The following PACS1 variants were observed in gnomAD, a reference collection of about 807,000 sequenced individuals.
PACS1 encodes the protein PACS-1.
Under a neutral mutation model 115.0 loss-of-function variants are expected in PACS1, and 24 were observed. The ratio of observed to expected loss-of-function variants is 0.21; its 90% CI spans 0.15 to 0.29. PACS1 has a LOEUF of 0.29. Among genes scored for constraint, PACS1 ranks in the 10% least tolerant of loss-of-function variants. The pLI is 1.00. For synonymous variants in PACS1, 453 were observed against 504.5 expected (o/e 0.90, Z 1.37); for missense variants, 838 against 1,251.2 (o/e 0.67, Z 4.98).
intron 1 of PACS1, among the ~76,000 whole-genome samples, chr11:66,102,015 A>G (rs1406468667): frequency 6.6e-6 from 1 of 152,170 alleles, no homozygotes; most frequent in African/African-American, 2.4e-5. Context: ...GGCTGAAGGA[A>G]TCTTTTGCTA....
chr11:66,239,684 A>G (rs1404984684), intron 21 of PACS1, among the ~76,000 whole-genome samples: 2 of 152,226 alleles, frequency 1.3e-5, no homozygotes, highest in African/African-American at 4.8e-5. Context: ...GGGACCTCCC[A>G]GGTGTTGTTA....
intron 1 of PACS1, among the ~76,000 whole-genome samples, chr11:66,096,761 C>T (rs929658596): frequency 2.6e-5 from 4 of 152,050 alleles, no homozygotes; most frequent in Non-Finnish European, 4.4e-5. Flanking sequence ...CCTCGGCCTC[C>T]CAAAGTGCTG....
intron 1 of PACS1, among the ~76,000 whole-genome samples, chr11:66,134,116 C>G (rs1184070692): frequency 3.9e-5 from 6 of 152,154 alleles, no homozygotes; most frequent in African/African-American, 1.4e-4. Context: ...TCCCTGAAAT[C>G]CCCATTAGCG....
chr11:66,145,524 G>A (rs1158041290), intron 1 of PACS1, among the ~76,000 whole-genome samples: 1 of 152,152 alleles, frequency 6.6e-6, no homozygotes, highest in Non-Finnish European at 1.5e-5. Flanking sequence ...CAGAGATCCT[G>A]GAAATGAGAC....
chr11:66,128,754 T>G (rs1180561302), intron 1 of PACS1, among the ~76,000 whole-genome samples: 1 of 151,646 alleles, frequency 6.6e-6, no homozygotes, highest in Admixed American at 6.6e-5. Flanking sequence ...CGTAGTGACA[T>G]GCGCCTGTAA....
In PACS1 at chr11:66,200,037, A is replaced by G. The variant is rs545511072; in HGVS notation, c.444+6464A>G. On this transcript the variant is annotated intron_variant, in intron 2 of 23. Transcript: ENST00000320580. ...CTGTCTCAAAAAAACAAAAACAAAA[A>G]CAAAACAAAACAAAAAAAAAAACAA... is the stretch of plus-strand genomic sequence containing the variant. 3.4e-3 allele frequency among the ~76,000 whole-genome samples: 393 copies of G among 114,760 alleles called. 1 individual carries two copies. The highest frequency in any genetic ancestry group is 4.3e-3 in the Non-Finnish European group (214 of 49,832). The allele number at this position is 114,760 out of a possible 152,430, so 75.3% of individuals were successfully genotyped here.
chr11:66,164,595 A>C (rs1409317127), intron 1 of PACS1, among the ~76,000 whole-genome samples: 2 of 143,456 alleles, frequency 1.4e-5, no homozygotes, highest in Non-Finnish European at 3.0e-5. Context: ...TGTATTATAT[A>C]ATATATAATA....
At chr11:66,096,032 TGAAG>T (rs777378555) in intron 1 of PACS1, among the ~76,000 whole-genome samples, 2 of 151,944 alleles carry the variant, frequency 1.3e-5, no homozygotes, top group Non-Finnish European at 2.9e-5. Context: ...CCTCCCAGGT[TGAAG>T]GAATTCTTCT....
At chr11:66,128,297 C>A (rs1191620824) in intron 1 of PACS1, among the ~76,000 whole-genome samples, 1 of 151,978 alleles carries the variant, frequency 6.6e-6, no homozygotes, top group Non-Finnish European at 1.5e-5. Context: ...TGAATATTGA[C>A]AACAAATAAT....
intron 11 of PACS1, chr11:66,230,325 T>C: frequency 1.8e-6 from 1 of 551,766 alleles, no homozygotes; most frequent in Non-Finnish European, 3.3e-6. Flanking sequence ...GGATATTTAC[T>C]GGATTGCAGC....
chr11:66,243,202 C>G lies in PACS1; in HGVS notation c.2814C>G (p.Phe938Leu). 1 of 1,613,632 alleles carries G rather than the reference C, an allele frequency of 6.2e-7. No individual in the cohort carries two copies. Among genetic ancestry groups the G allele is most frequent in the Non-Finnish European group, 8.5e-7 (1 of 1,179,766 alleles). ...GGGTCGAGTGGAGTGACATCAAGTT[C>G]TTCCAGCTGGCAGCCCAGTGGCCCA... is the stretch of plus-strand genomic sequence containing the variant. ...IDGVEWSDIK[F>L]FQLAAQWPTH... The change falls in exon 24 of 24, where the codon TTC (phenylalanine) becomes TTG (leucine). Residue 938 changes from phenylalanine (F) to leucine (L), a missense_variant. This residue lies in a region of PACS1 where 84 missense variants were observed against 187.1 expected (regional missense o/e 0.45). Coordinates refer to ENST00000320580, the MANE Select transcript of PACS1 (RefSeq NM_018026.4).
At chr11:66,107,206 C>T (rs1858067710) in intron 1 of PACS1, among the ~76,000 whole-genome samples, 1 of 152,182 alleles carries the variant, frequency 6.6e-6, no homozygotes, top group African/African-American at 2.4e-5. Flanking sequence ...TGCAGCCACG[C>T]AGGCTTCTTT....
At chr11:66,241,846 G>C (rs1414315742) in intron 22 of PACS1, among the ~76,000 whole-genome samples, 193 bp downstream of exon 22, 1 of 152,302 alleles carries the variant, frequency 6.6e-6, no homozygotes, top group African/African-American at 2.4e-5. Context: ...GCAGGAAACC[G>C]AGGCTGCAGA....
At chr11:66,089,028 T>C (rs540372630) in intron 1 of PACS1, among the ~76,000 whole-genome samples, 49 of 152,328 alleles carry the variant, frequency 3.2e-4, no homozygotes, top group African/African-American at 1.1e-3. Flanking sequence ...CTTTTTCTTA[T>C]AGAGGACTCT....
rs567954971 is a variant in PACS1, at chr11:66,181,753, C to G, written c.357-11733C>G. Among the ~76,000 whole-genome samples the G allele has an allele frequency of 8.6e-5, 13 of 151,944 alleles. No individual in the cohort carries two copies. The East Asian group carries it at 2.3e-3, about 27-fold the overall frequency. ...TGGTTTTTTGTTTGTTCTTTTTTTC[C>G]CCACACACCCTGGACAGTTTCTGTT... On this transcript the variant is annotated intron_variant, in intron 1 of 23. Transcript: ENST00000320580.
intron 2 of PACS1, among the ~76,000 whole-genome samples, chr11:66,206,438 A>G (rs1181898846): frequency 6.6e-6 from 1 of 152,112 alleles, no homozygotes; most frequent in Non-Finnish European, 1.5e-5. Context: ...GTAGTGCACC[A>G]TGCTTGAAAG....
intron 1 of PACS1, among the ~76,000 whole-genome samples, chr11:66,085,458 T>C (rs940863213): frequency 2.0e-5 from 3 of 152,230 alleles, no homozygotes; most frequent in Non-Finnish European, 4.4e-5. Flanking sequence ...TTCTGCTCAT[T>C]ATATCTAGAT....
intron 1 of PACS1, among the ~76,000 whole-genome samples, chr11:66,113,298 C>T (rs1858228155): frequency 1.3e-5 from 2 of 152,212 alleles, no homozygotes; most frequent in African/African-American, 4.8e-5. Flanking sequence ...ATTTCCAGTT[C>T]TCCTAGCTAC....
intron 21 of PACS1, 106 bp downstream of exon 21, chr11:66,239,383 C>T (rs1342395157): frequency 9.0e-6 from 12 of 1,332,598 alleles, no homozygotes; most frequent in Middle Eastern, 2.4e-4. Context: ...GGAAGCCGGG[C>T]GTGGTAGTGC....
Sources: allele counts gnomAD v4.1 joint callset (sites outside exome capture counted in the v4.1 genomes callset), GRCh38; gene constraint gnomAD v4.1.1; regional missense constraint gnomAD v4.1.1; transcripts MANE v1.5; gene names NCBI Gene and HGNC (gene_info 2026-07-23, HGNC 2026-07-21).